Variants in CREB5 observed in about 807,000 individuals in gnomAD.
CREB5 encodes cyclic AMP-responsive element-binding protein 5.
In CREB5, 19 loss-of-function variants were observed where a neutral mutation model predicts 57.1. The observed-to-expected ratio is 0.33, with a 90% CI of 0.23 to 0.49. The LOEUF (loss-of-function observed/expected upper bound fraction) is 0.49. Ranked by LOEUF, CREB5 falls within the 20% of genes least tolerant of loss-of-function variation. CREB5 has a pLI of 0.99. For missense variants in CREB5, 579 were observed against 671.6 expected (o/e 0.86, Z 1.52); for synonymous variants, 238 against 238.3 (o/e 1.00, Z 0.01).
intron 1 of CREB5, among the ~76,000 whole-genome samples, chr7:28,348,404 TCTCTCA>T: frequency 3.2e-5 from 1 of 30,770 alleles, no homozygotes; most frequent in African/African-American, 9.7e-5. Context: ...TCTGTCTCTC[TCTCTCA>T]CACACACACA....
chr7:28,659,910 T>A (rs1000649389), intron 5 of CREB5, among the ~76,000 whole-genome samples: 1 of 152,154 alleles, frequency 6.6e-6, no homozygotes, highest in Non-Finnish European at 1.5e-5. Flanking sequence ...TTGAGGATTT[T>A]CTAGAAGACA....
intron 5 of CREB5, among the ~76,000 whole-genome samples, chr7:28,637,164 A>G (rs1798454529): frequency 6.6e-6 from 1 of 152,098 alleles, no homozygotes; most frequent in South Asian, 2.1e-4. Context: ...AAAAAACAAA[A>G]CAAAAAAAGA....
chr7:28,618,905 A>G (rs917275), intron 5 of CREB5, among the ~76,000 whole-genome samples: 41,198 of 152,256 alleles, frequency 0.27, 6,943 homozygotes, highest in Non-Finnish European at 0.39. Context: ...TCAAGTTAAC[A>G]GCAGGCATTT....
intron 3 of CREB5, among the ~76,000 whole-genome samples, chr7:28,505,922 T>C (rs1328348209): frequency 2.6e-5 from 4 of 152,208 alleles, no homozygotes; most frequent in African/African-American, 7.2e-5. Context: ...ATAAATAAAT[T>C]AGTTGCTAAT....
chr7:28,407,234 G>C (rs901710737), intron 1 of CREB5, among the ~76,000 whole-genome samples: 1 of 152,062 alleles, frequency 6.6e-6, no homozygotes, highest in Non-Finnish European at 1.5e-5. Context: ...ATTTTCAGTA[G>C]AGACGGGCGT....
intron 1 of CREB5, among the ~76,000 whole-genome samples, chr7:28,372,159 C>A (rs543223334): frequency 2.0e-5 from 3 of 152,144 alleles, no homozygotes; most frequent in Admixed American, 2.0e-4. Context: ...CAACTCTCTG[C>A]CCTCAAGAAA....
chr7:28,359,946 A>T (rs1262583169), intron 1 of CREB5, among the ~76,000 whole-genome samples: 1 of 152,252 alleles, frequency 6.6e-6, no homozygotes, highest in African/African-American at 2.4e-5. Context: ...AACATGACAT[A>T]CAAATAGCCA....
chr7:28,694,331 C>T (rs2128732469), intron 5 of CREB5, among the ~76,000 whole-genome samples: 1 of 152,226 alleles, frequency 6.6e-6, no homozygotes, highest in East Asian at 1.9e-4. Flanking sequence ...CCAGCATCCA[C>T]CCTAATATGG....
chr7:28,444,745 C>T (rs1789356428), intron 1 of CREB5, among the ~76,000 whole-genome samples: 1 of 152,158 alleles, frequency 6.6e-6, no homozygotes, highest in African/African-American at 2.4e-5. Context: ...TTTCTGGGCT[C>T]ATTTCAATTC....
chr7:28,357,695 C>T (rs972175690), intron 1 of CREB5, among the ~76,000 whole-genome samples: 10 of 152,056 alleles, frequency 6.6e-5, no homozygotes, highest in East Asian at 1.9e-4. Flanking sequence ...CTGGGGAACA[C>T]GGAGTATATG....
intron 3 of CREB5, among the ~76,000 whole-genome samples, chr7:28,507,098 TGTTAA>T (rs1472718925): frequency 2.6e-5 from 4 of 152,236 alleles, no homozygotes; most frequent in African/African-American, 9.6e-5. Flanking sequence ...GAGACAGAAT[TGTTAA>T]GTTTTCTTTC....
chr7:28,642,981 C>CACAT (rs1798728975), intron 5 of CREB5, among the ~76,000 whole-genome samples: 24 of 105,894 alleles, frequency 2.3e-4, no homozygotes, highest in Non-Finnish European at 3.3e-4. Flanking sequence ...CACACACACA[C>CACAT]ACACATACAC....
chr7:28,394,735 T>C (rs1166221879), intron 1 of CREB5, among the ~76,000 whole-genome samples: 1 of 152,174 alleles, frequency 6.6e-6, no homozygotes, highest in Non-Finnish European at 1.5e-5. Flanking sequence ...TATGCATGCC[T>C]GTTGAGTGTT....
At chr7:28,720,227 C>T (rs945615761) in intron 6 of CREB5, among the ~76,000 whole-genome samples, 1 of 152,194 alleles carries the variant, frequency 6.6e-6, no homozygotes, top group Non-Finnish European at 1.5e-5. Context: ...TCTCAGAAGC[C>T]CTAGAGGCAG....
At chr7:28,459,698 T>A (rs1583488949) in intron 1 of CREB5, among the ~76,000 whole-genome samples, 1 of 152,044 alleles carries the variant, frequency 6.6e-6, no homozygotes, top group African/African-American at 2.4e-5. Context: ...GAAGGCAGGG[T>A]GACGTAAGGG....
intron 7 of CREB5, among the ~76,000 whole-genome samples, chr7:28,782,885 TGTGA>T (rs1340186496): frequency 4.6e-5 from 7 of 152,222 alleles, no homozygotes; most frequent in Non-Finnish European, 1.0e-4. Flanking sequence ...GTGATCCTGC[TGTGA>T]GTTTTTCCAC....
intron 1 of CREB5, among the ~76,000 whole-genome samples, chr7:28,376,714 C>G (rs1019689585): frequency 6.6e-6 from 1 of 152,138 alleles, no homozygotes; most frequent in Admixed American, 6.5e-5. Context: ...CACCTTAGCT[C>G]AGTGTTGTGA....
At chr7:28,456,076 T>C (rs1790081868) in intron 1 of CREB5, among the ~76,000 whole-genome samples, 1 of 152,192 alleles carries the variant, frequency 6.6e-6, no homozygotes, top group Admixed American at 6.5e-5. Context: ...GAAGATAATG[T>C]GTTATAATCT....
At chr7:28,755,573 C>T (rs993939422) in intron 7 of CREB5, among the ~76,000 whole-genome samples, 1 of 152,090 alleles carries the variant, frequency 6.6e-6, no homozygotes, top group Non-Finnish European at 1.5e-5. Context: ...TAGGGAGGGA[C>T]ACGATGAAAT....
Sources: gnomAD v4.1 joint callset for allele counts (sites outside exome capture counted in the v4.1 genomes callset) on GRCh38, gnomAD v4.1.1 for gene constraint, MANE v1.5 for transcripts, NCBI Gene and HGNC (gene_info 2026-07-23, HGNC 2026-07-21) for gene names.